UNC13C: variants seen among roughly 807,000 people sequenced by gnomAD.
The protein encoded by UNC13C is protein unc-13 homolog C.
UNC13C carries 174 observed loss-of-function variants against 245.4 expected under a neutral mutation model. That is an observed-to-expected ratio of 0.71 (90% CI 0.63 to 0.80). The LOEUF (loss-of-function observed/expected upper bound fraction) is 0.80. Among genes scored for constraint, UNC13C ranks in the 30% least tolerant of loss-of-function variants. The pLI, the probability that UNC13C is intolerant of heterozygous loss-of-function variation, is 0.00. For missense variants in UNC13C, 2,829 were observed against 2,602.9 expected (o/e 1.09, Z -1.89); for synonymous variants, 992 against 895.1 (o/e 1.11, Z -1.93).
intron 4 of UNC13C, among the ~76,000 whole-genome samples, chr15:54,157,090 T>A (rs1040210486): frequency 6.6e-6 from 1 of 152,162 alleles, no homozygotes; most frequent in Non-Finnish European, 1.5e-5. Context: ...TCTCACCAAT[T>A]GAGTACAAGC....
intron 4 of UNC13C, among the ~76,000 whole-genome samples, chr15:54,196,445 A>G (rs1016322223): frequency 2.0e-5 from 3 of 152,156 alleles, no homozygotes; most frequent in African/African-American, 7.2e-5. Flanking sequence ...AATTTTCCAT[A>G]TAATAGAAAA....
At chr15:54,508,504 G>T (rs1894584150) in intron 23 of UNC13C, among the ~76,000 whole-genome samples, 1 of 151,932 alleles carries the variant, frequency 6.6e-6, no homozygotes, top group Non-Finnish European at 1.5e-5. Context: ...TTTTATACTT[G>T]GAAAAATTAA....
chr15:54,459,180 G>C (rs915820182), intron 19 of UNC13C, among the ~76,000 whole-genome samples: 5 of 152,076 alleles, frequency 3.3e-5, no homozygotes, highest in African/African-American at 1.2e-4. Flanking sequence ...AACATTCTTG[G>C]CTGATAACTA....
At chr15:54,489,483 A>ATGTG (rs1408850162) in intron 19 of UNC13C, among the ~76,000 whole-genome samples, 1 of 152,220 alleles carries the variant, frequency 6.6e-6, no homozygotes, top group Non-Finnish European at 1.5e-5. Flanking sequence ...GCCTCAATGT[A>ATGTG]TGTGTGTATA....
chr15:54,008,094 T>C (rs1895222709), intron 1 of UNC13C, among the ~76,000 whole-genome samples: 1 of 152,246 alleles, frequency 6.6e-6, no homozygotes, highest in African/African-American at 2.4e-5. Flanking sequence ...GATTTAGCAA[T>C]AAATTTTTGA....
chr15:54,553,081 C>CTGTATTACAATATATAATA (rs1566905722), intron 28 of UNC13C, among the ~76,000 whole-genome samples: 1 of 85,604 alleles, frequency 1.2e-5, no homozygotes, highest in African/African-American at 4.5e-5. Flanking sequence ...ATATTGTATT[C>CTGTATTACAATATATAATA]TATATTACAA....
intron 17 of UNC13C, among the ~76,000 whole-genome samples, chr15:54,372,609 A>G (rs936911214): frequency 5.1e-4 from 77 of 152,354 alleles, no homozygotes; most frequent in African/African-American, 1.8e-3. Flanking sequence ...ATTGGTATAT[A>G]TGGAATCATA....
intron 19 of UNC13C, among the ~76,000 whole-genome samples, chr15:54,465,263 G>A (rs984287633): frequency 5.9e-5 from 9 of 151,968 alleles, no homozygotes; most frequent in South Asian, 2.1e-4. Flanking sequence ...ACAGTCAATC[G>A]ATCATCAAGA....
chr15:53,880,105 C>T, the UNC13C span, among the ~76,000 whole-genome samples: 1 of 152,042 alleles, frequency 6.6e-6, no homozygotes, highest in Non-Finnish European at 1.5e-5. Context: ...TCCATTTTTA[C>T]AGACAGGGAA....
chr15:54,385,566 G>A (rs1019398966), intron 17 of UNC13C, among the ~76,000 whole-genome samples: 1 of 149,680 alleles, frequency 6.7e-6, no homozygotes, highest in South Asian at 2.2e-4. Context: ...GGGTTGGAGG[G>A]GGGCAGGATG....
At position 54,235,138 on chromosome 15, in the gene UNC13C, T is replaced by C. The variant is rs376802881; in HGVS notation, c.3150+30T>C. The C allele has an allele frequency of 5.0e-6, 8 of 1,597,646 alleles. No homozygotes were observed. In the African/African-American group the frequency reaches 5.4e-5, roughly 11 times the overall value. ...GTTACAACTGTTTAATTCTCTTCGA[T>C]TGCATGTGTGGTTTTTTTCCTTACT... On this transcript the variant is annotated intron_variant, in intron 5 of 32. Transcript: ENST00000260323.
At chr15:54,553,776 C>T (rs1402970668) in intron 28 of UNC13C, among the ~76,000 whole-genome samples, 7 of 151,696 alleles carry the variant, frequency 4.6e-5, no homozygotes, top group South Asian at 2.1e-4. Context: ...CTAGCACCAG[C>T]GTATATCACT....
the UNC13C span, among the ~76,000 whole-genome samples, chr15:53,902,636 A>AT: frequency 1.3e-5 from 2 of 152,172 alleles, no homozygotes; most frequent in African/African-American, 4.8e-5. Flanking sequence ...CACTTTCTAC[A>AT]TGCAAGGCAG....
At chr15:54,314,946 AT>A (rs35092136) in intron 13 of UNC13C, among the ~76,000 whole-genome samples, 2 of 150,926 alleles carry the variant, frequency 1.3e-5, no homozygotes, top group South Asian at 2.1e-4. Flanking sequence ...GGTACAAAGT[AT>A]TTTTTTTTCC....
At chr15:53,992,818 C>T (rs1280036983) in intron 1 of UNC13C, among the ~76,000 whole-genome samples, 1 of 152,078 alleles carries the variant, frequency 6.6e-6, no homozygotes, top group Non-Finnish European at 1.5e-5. Context: ...TCACTCTTCA[C>T]TTTTGTTGTC....
chr15:54,098,055 G>A (rs1275329886), intron 2 of UNC13C, among the ~76,000 whole-genome samples: 1 of 152,190 alleles, frequency 6.6e-6, no homozygotes, highest in Non-Finnish European at 1.5e-5. Flanking sequence ...TTAGTAACAA[G>A]TCATAGAAGA....
intron 2 of UNC13C, among the ~76,000 whole-genome samples, chr15:54,051,650 T>A (rs570674883): frequency 6.6e-6 from 1 of 151,774 alleles, no homozygotes; most frequent in Non-Finnish European, 1.5e-5. Context: ...ATTTATTTAT[T>A]TATTTATTTA....
At chr15:54,369,194 C>CCT (rs201761600) in intron 17 of UNC13C, among the ~76,000 whole-genome samples, 1,707 of 139,154 alleles carry the variant, frequency 0.012, 40 homozygotes, top group African/African-American at 0.043. Flanking sequence ...ATTAACCTCC[C>CCT]CCCCCCAAAA....
chr15:54,406,064 T>G (rs1018609685), intron 18 of UNC13C, among the ~76,000 whole-genome samples: 1 of 152,246 alleles, frequency 6.6e-6, no homozygotes, highest in South Asian at 2.1e-4. Context: ...ACAAGATCCA[T>G]TAACAAGAGA....
Sources: gnomAD v4.1 joint callset for allele counts (sites outside exome capture counted in the v4.1 genomes callset) on GRCh38, gnomAD v4.1.1 for gene constraint, MANE v1.5 for transcripts, NCBI Gene and HGNC (gene_info 2026-07-23, HGNC 2026-07-21) for gene names.